GPC4: variants seen among roughly 807,000 people sequenced by gnomAD.
The protein encoded by GPC4 is glypican-4.
Under a neutral mutation model 35.0 loss-of-function variants are expected in GPC4, and 10 were observed. The ratio of observed to expected loss-of-function variants is 0.29; its 90% confidence interval spans 0.18 to 0.48. The LOEUF (loss-of-function observed/expected upper bound fraction) is 0.48, where lower values mean the gene tolerates loss of function less well. GPC4 is among the 20% of genes least tolerant of loss of function. GPC4 has a pLI of 0.99. For missense variants in GPC4, 322 were observed against 451.3 expected, an observed-to-expected ratio of 0.71 and a Z score of 2.60; for synonymous variants, 167 against 170.2, an observed-to-expected ratio of 0.98 and a Z score of 0.15.
At position 133,302,748 on chromosome X, in the gene GPC4, T is replaced by G; in HGVS notation, c.*119A>C. ...AGCACTTCTTAAACCAGTGGCCACA[T>G]AGTAAAAACTGTACATTGTTGTCCA... On this transcript the variant is annotated 3_prime_UTR_variant, in exon 9 of 9. Transcript: ENST00000370828. 1.6e-6 allele frequency: 1 copy of G among 643,537 alleles called. No homozygotes were observed. The highest frequency in any genetic ancestry group is 2.4e-6 in the Non-Finnish European group (1 of 420,992). The allele number at this position is 643,537 out of a possible 1,213,427, so 53.0% of individuals were successfully genotyped here.
At chrX:133,379,512 C>A (rs1338128665) in intron 1 of GPC4, among the ~76,000 whole-genome samples, 1 of 111,846 alleles carries the variant, frequency 8.9e-6, no homozygotes, top group Non-Finnish European at 1.9e-5. Context: ...TTGGATGACA[C>A]TGTTTATATA....
intron 1 of GPC4, among the ~76,000 whole-genome samples, chrX:133,373,999 TG>T (rs900076932): frequency 1.8e-5 from 2 of 110,433 alleles, no homozygotes; most frequent in African/African-American, 3.3e-5. Context: ...ACAGTTAATT[TG>T]GGGGGGTGAT....
At chrX:133,376,096 A>G (rs2068631840) in intron 1 of GPC4, among the ~76,000 whole-genome samples, 1 of 110,912 alleles carries the variant, frequency 9.0e-6, no homozygotes, top group South Asian at 3.7e-4. Context: ...GCCAGGATGA[A>G]ACTTTTTTCT....
chrX:133,372,016 C>T (rs1341807675), intron 1 of GPC4, among the ~76,000 whole-genome samples: 1 of 110,084 alleles, frequency 9.1e-6, no homozygotes, highest in Admixed American at 9.7e-5. Context: ...GGCAGATTAC[C>T]TGAGGTCAGA....
intron 1 of GPC4, among the ~76,000 whole-genome samples, chrX:133,378,978 G>A (rs140826662): frequency 3.6e-5 from 4 of 112,344 alleles, no homozygotes; most frequent in East Asian, 2.8e-4. Context: ...TCAGAAAGAC[G>A]TGGGTTCACT....
intron 1 of GPC4, among the ~76,000 whole-genome samples, chrX:133,403,225 T>C (rs924370166): frequency 1.8e-5 from 2 of 112,209 alleles, no homozygotes; most frequent in Admixed American, 9.4e-5. Context: ...TTAGCCTGTT[T>C]GGGCTGCTAA....
intron 6 of GPC4, among the ~76,000 whole-genome samples, chrX:133,305,063 C>A (rs373209581): frequency 3.6e-5 from 4 of 111,885 alleles, no homozygotes; most frequent in African/African-American, 1.3e-4. Context: ...AATGCAAGCT[C>A]CAAAGGAGTG....
intron 1 of GPC4, among the ~76,000 whole-genome samples, chrX:133,378,269 T>C (rs1448222449): frequency 2.7e-5 from 3 of 111,507 alleles, no homozygotes; most frequent in African/African-American, 9.8e-5. Context: ...TTTATTACAC[T>C]AAAAAGAAAT....
At chrX:133,316,924 A>T (rs1416871443) in intron 3 of GPC4, among the ~76,000 whole-genome samples, 2 of 112,265 alleles carry the variant, frequency 1.8e-5, no homozygotes, top group Admixed American at 9.4e-5. Context: ...AGCAGAGATG[A>T]TCAATTCCTA....
At position 133,415,015 on chromosome X, in the gene GPC4, C is replaced by G. The variant is rs752684593; in HGVS notation, c.-50G>C. 8.7e-7 allele frequency: 1 copy of G among 1,146,269 alleles called. No individual in the cohort carries two copies. The highest frequency in any genetic ancestry group is 1.9e-5 in the South Asian group (1 of 51,698). The allele number at this position is 1,146,269 out of a possible 1,213,427, so 94.5% of individuals were successfully genotyped here. A position where few individuals can be genotyped will look rare whatever the true frequency, so the allele number is the denominator to read the frequency against. The stretch of plus-strand genomic sequence containing the variant: ...CCCACCTTTGGGACCGGACGGGAAG[C>G]GGCGCTACGGCAGCGGGCCGAGGGC... On this transcript the variant is annotated 5_prime_UTR_variant, in exon 1 of 9. Transcript: ENST00000370828.
At chrX:133,408,121 G>A (rs1189415650) in intron 1 of GPC4, among the ~76,000 whole-genome samples, 2 of 112,504 alleles carry the variant, frequency 1.8e-5, no homozygotes, top group African/African-American at 3.2e-5. Flanking sequence ...GGATGGAATC[G>A]CTTCATGCAT....
intron 1 of GPC4, among the ~76,000 whole-genome samples, chrX:133,368,134 A>G (rs773565902): frequency 5.4e-4 from 61 of 112,291 alleles, no homozygotes; most frequent in South Asian, 1.1e-3. Flanking sequence ...AAATGTAAAA[A>G]GAAAATTATC....
rs2068832422 is a variant in GPC4, at chrX:133,415,070, T to C, written c.-105A>G. ...GGAGTCGGGGACTAGCGAGTGGAGCTGGAGGGAGAAGGAGTTGGAGTTGGT... is the reference window on the plus strand; with the variant it reads ...GGAGTCGGGGACTAGCGAGTGGAGCCGGAGGGAGAAGGAGTTGGAGTTGGT... On this transcript the variant is annotated 5_prime_UTR_variant, in exon 1 of 9. Transcript: ENST00000370828. 1.4e-5 allele frequency: 12 copies of C among 831,510 alleles called. No individual in the cohort carries two copies. The highest frequency in any genetic ancestry group is 2.0e-5 in the Non-Finnish European group (12 of 593,620). The allele number at this position is 831,510 out of a possible 1,213,427, so 68.5% of individuals were successfully genotyped here. A position where few individuals can be genotyped will look rare whatever the true frequency, so the allele number is the denominator to read the frequency against.
chrX:133,304,712 AAC>A lies in GPC4; in HGVS notation c.1292+11_1292+12del, dbSNP rs1321322168. On this transcript the variant is annotated intron_variant, in intron 7 of 8. Coordinates refer to ENST00000370828, the MANE Select transcript of GPC4 (RefSeq NM_001448.3). Reference sequence around the variant, plus strand: ...GAAGGGAGAAACTTCAAATTCATTCAACAGACACTAACCTGCTTTTGCCTTTC... The same window carrying A: ...GAAGGGAGAAACTTCAAATTCATTCAAGACACTAACCTGCTTTTGCCTTTC... The A allele has an allele frequency of 2.5e-6, 3 of 1,208,830 alleles. No homozygotes were observed. The Admixed American group carries it at 6.6e-5, about 26-fold the overall frequency.
At chrX:133,316,774 AG>A (rs1201455268) in intron 3 of GPC4, among the ~76,000 whole-genome samples, 3 of 111,842 alleles carry the variant, frequency 2.7e-5, no homozygotes, top group African/African-American at 9.7e-5. Context: ...ATTACTCATC[AG>A]TCCCTGCTCA....
chrX:133,341,334 AC>A (rs1367901621), intron 1 of GPC4, among the ~76,000 whole-genome samples: 1 of 111,944 alleles, frequency 8.9e-6, no homozygotes, highest in Non-Finnish European at 1.9e-5. Flanking sequence ...TTATATTCAT[AC>A]CCCCTGTAGA....
At chrX:133,396,861 T>G (rs1483889422) in intron 1 of GPC4, among the ~76,000 whole-genome samples, 3 of 112,381 alleles carry the variant, frequency 2.7e-5, no homozygotes, top group African/African-American at 9.7e-5. Context: ...ACAATGGTTT[T>G]GATTACAATG....
At chrX:133,333,041 G>C (rs900346324) in intron 2 of GPC4, among the ~76,000 whole-genome samples, 1 of 112,231 alleles carries the variant, frequency 8.9e-6, no homozygotes, top group Non-Finnish European at 1.9e-5. Flanking sequence ...TCGAGAGAGG[G>C]TGATGAAGAT....
chrX:133,358,226 A>C (rs1439602497), intron 1 of GPC4, among the ~76,000 whole-genome samples: 2 of 112,243 alleles, frequency 1.8e-5, no homozygotes, highest in Non-Finnish European at 3.8e-5. Context: ...TTTTAGGCCA[A>C]ATAGGTCAAA....
Sources: allele counts gnomAD v4.1 joint callset (sites outside exome capture counted in the v4.1 genomes callset), GRCh38; gene constraint gnomAD v4.1.1; transcripts MANE v1.5; gene names NCBI Gene and HGNC (gene_info 2026-07-23, HGNC 2026-07-21).